The following ZNFX1 variants were observed in gnomAD, a reference collection of about 807,000 sequenced individuals.
ZNFX1 encodes NFX1-type zinc finger-containing protein 1.
Under a neutral mutation model 179.8 loss-of-function variants are expected in ZNFX1, and 78 were observed. That is an observed-to-expected ratio of 0.43 (90% CI 0.36 to 0.52). The LOEUF (loss-of-function observed/expected upper bound fraction) is 0.52, where lower values mean the gene tolerates loss of function less well. Among genes scored for constraint, ZNFX1 ranks in the 20% least tolerant of loss-of-function variants. The probability of loss-of-function intolerance (pLI) is 0.00; values close to 1 mark genes in which losing one functional copy is unlikely to be tolerated. For missense variants in ZNFX1, 1,927 were observed against 2,386.6 expected (o/e 0.81, Z 4.01); for synonymous variants, 848 against 868.5 (o/e 0.98, Z 0.42).
In ZNFX1 at chr20:49,271,522, T is replaced by C. The variant is rs1169571216; in HGVS notation, c.290A>G (p.His97Arg). The change falls in exon 3 of 14, where the codon CAT (histidine) becomes CGT (arginine). Residue 97 changes from histidine to arginine, a missense_variant. Physicochemically the swap from His to Arg is conservative, Grantham distance 29 (BLOSUM62 0). Coordinates refer to ENST00000396105, the MANE Select transcript of ZNFX1 (RefSeq NM_021035.3). The part of the protein sequence containing the change: ...HASDEARDQR[H>R]DQENDTRWRN... ...CCACCTGGTGTCATTCTCCTGGTCA[T>C]GTCTTTGGTCTCTAGCTTCGTCGCT... 10 of 1,614,066 alleles carry C rather than the reference T, an allele frequency of 6.2e-6. No homozygotes were observed. The highest frequency in any genetic ancestry group is 1.1e-5 in the South Asian group (1 of 91,088).
At chr20:49,255,136 C>T (rs186076969) in intron 9 of ZNFX1, among the ~76,000 whole-genome samples, 4 of 151,834 alleles carry the variant, frequency 2.6e-5, no homozygotes, top group African/African-American at 4.8e-5. Context: ...CCTCCACCTC[C>T]GGGTTCAAGC....
At chr20:49,254,029 CT>C (rs11324394) in intron 10 of ZNFX1, among the ~76,000 whole-genome samples, 99,097 of 145,524 alleles carry the variant, frequency 0.68, 34,371 homozygotes, top group Non-Finnish European at 0.77. Flanking sequence ...TTTCTTTTTT[CT>C]TTTTTTTTTT....
Position 49,247,221 on chromosome 20 carries a change from CCAGT to C in ZNFX1, c.*42_*45del, listed in dbSNP as rs1314154182. 1 of 1,547,934 alleles carries C rather than the reference CCAGT, an allele frequency of 6.5e-7. No homozygotes were observed. The highest frequency in any genetic ancestry group is 8.7e-7 in the Non-Finnish European group (1 of 1,148,124). Reference sequence around the variant, plus strand: ...CAGTTCCTTCATTAGGGAGCTGGCCCCAGTCATTCAGTGGCGAGGGCAAAAGGCA... The same window carrying C: ...CAGTTCCTTCATTAGGGAGCTGGCCCCATTCAGTGGCGAGGGCAAAAGGCA... On this transcript the variant is annotated 3_prime_UTR_variant, in exon 14 of 14. Transcript: ENST00000396105.
chr20:49,268,319 T>C (rs1483155142), intron 3 of ZNFX1, among the ~76,000 whole-genome samples: 1 of 152,170 alleles, frequency 6.6e-6, no homozygotes, highest in Non-Finnish European at 1.5e-5. Context: ...TAATATAAAA[T>C]TGAACCAATT....
rs903031425 is a variant in ZNFX1 at position 49,252,896 on chromosome 20, C to T, written c.3106-66G>A. ...GTCATTTAACCATCCATACTTCCAT[C>T]CATCCAACCAACCATCAAATGTTTT... On this transcript the variant is annotated intron_variant, in intron 11 of 13. Transcript: ENST00000396105. 3.7e-5 allele frequency: 45 copies of T among 1,225,032 alleles called. No homozygotes were observed. The African/African-American group carries it at 5.6e-4, about 15-fold the overall frequency. The allele number at this position is 1,225,032 out of a possible 1,614,324, so 75.9% of individuals were successfully genotyped here.
chr20:49,255,516 C>A (rs1980947900), intron 9 of ZNFX1, among the ~76,000 whole-genome samples: 1 of 151,590 alleles, frequency 6.6e-6, no homozygotes, highest in Non-Finnish European at 1.5e-5. Context: ...GTTTTTATAC[C>A]CATTTGTAAC....
At position 49,255,912 on chromosome 20, in the gene ZNFX1, T is replaced by C. The variant is rs773196486; in HGVS notation, c.2700A>G (p.Arg900=). 81 of 1,614,028 alleles carry C rather than the reference T, an allele frequency of 5.0e-5. 1 individual carries two copies. Among genetic ancestry groups the C allele is most frequent in the Non-Finnish European group, 7.6e-6 (9 of 1,180,034 alleles). ...TCAGTTTGCGAAGCTCATCCTTCAC[T>C]CTTTTTTTCATTTTCTTTTTCTGGT... ...QRNQKKKMKK[R]VKDELRKLNT... is the part of the protein sequence containing the mutation. The change falls in exon 9 of 14, where the codon AGA becomes AGG. Residue 900 remains arginine, a synonymous_variant. Coordinates refer to ENST00000396105, the MANE Select transcript of ZNFX1 (RefSeq NM_021035.3).
chr20:49,264,105 C>T (rs1040338337), intron 5 of ZNFX1, among the ~76,000 whole-genome samples: 2 of 152,120 alleles, frequency 1.3e-5, no homozygotes, highest in African/African-American at 4.8e-5. Context: ...GCCTGTAATC[C>T]CAGCTACTCA....
In ZNFX1 at chr20:49,248,731, A is replaced by G; in HGVS notation, c.4293T>C (p.Cys1431=). Residue 1431 remains cysteine (C), a synonymous_variant, in exon 14 of 14, where the codon TGT becomes TGC. Coordinates refer to ENST00000396105, the MANE Select transcript of ZNFX1 (RefSeq NM_021035.3). The surrounding 1 kb of genome is among the most constrained non-coding windows in gnomAD (Gnocchi z 4.6). ...CCAAGATAGTGCCACACTTTGTGGT[A>G]CACTTGACTAGCAGACCACCATACA... is the stretch of plus-strand genomic sequence containing the variant. ...GLLYGGLLVK[C]TTKCGTILDC... 6.2e-7 allele frequency: 1 copy of G among 1,613,148 alleles called. No homozygotes were observed. Among genetic ancestry groups the G allele is most frequent in the Non-Finnish European group, 8.5e-7 (1 of 1,180,044 alleles).
chr20:49,249,813 A>C, intron 13 of ZNFX1, 102 bp from the exon 14 acceptor site: 1 of 1,311,698 alleles, frequency 7.6e-7, no homozygotes, highest in Non-Finnish European at 1.0e-6. Context: ...CTCCAGAGAG[A>C]GACCTTGGAA....
At chr20:49,256,197 C>T (rs537022918) in intron 8 of ZNFX1, among the ~76,000 whole-genome samples, 2 of 152,156 alleles carry the variant, frequency 1.3e-5, no homozygotes, top group East Asian at 1.9e-4. Flanking sequence ...AATGACCTAA[C>T]CTCTGTGTCC....
At position 49,248,232 on chromosome 20, in the gene ZNFX1, G is replaced by A. The variant is rs1980730867; in HGVS notation, c.4792C>T (p.Gln1598Ter). The A allele has an allele frequency of 6.2e-7, 1 of 1,614,038 alleles. No individual in the cohort carries two copies. Among genetic ancestry groups the A allele is most frequent in the Admixed American group, 1.7e-5 (1 of 59,990 alleles). The change falls in exon 14 of 14, where the codon CAA becomes TAA. Residue 1598 changes from glutamine to a stop codon, truncating the protein, a stop_gained. Transcript: ENST00000396105. LOFTEE classifies it high-confidence loss of function. This position sits in a 1 kb window ranked among gnomAD's most constrained non-coding sequence, Gnocchi z 4.6. Reference sequence around the variant, plus strand: ...TCATTCATGTAGCGGTCTAGGGCTTGCACCTCAAAGATGTGGCTGCAGTCT... The same window carrying A: ...TCATTCATGTAGCGGTCTAGGGCTTACACCTCAAAGATGTGGCTGCAGTCT... The part of the protein sequence containing the change: ...LEDCSHIFEV[Q>*]ALDRYMNEQK...
rs1981162611 is a variant in ZNFX1, at chr20:49,263,417, T to G, written c.2218A>C (p.Met740Leu). The G allele has an allele frequency of 6.2e-7, 1 of 1,612,974 alleles. No individual in the cohort carries two copies. Among genetic ancestry groups the G allele is most frequent in the Non-Finnish European group, 8.5e-7 (1 of 1,179,560 alleles). Residue 740 changes from methionine to leucine, a missense_variant, in exon 6 of 14, where the codon ATG (methionine) becomes CTG (leucine). Coordinates refer to ENST00000396105, the MANE Select transcript of ZNFX1 (RefSeq NM_021035.3). ...HEGAKTLECT[M>L]RGVLREQYLQ... ...TACTGTTCCCGTAGGACACCACGCA[T>G]GGTGCACTCCAGGGTCTTGGCTCCT...
chr20:49,260,714 GGAAGA>G, intron 6 of ZNFX1, 137 bp from the exon 7 acceptor site: 1 of 586,632 alleles, frequency 1.7e-6, no homozygotes, highest in Non-Finnish European at 2.9e-6. Flanking sequence ...GGCCAAGGCA[GGAAGA>G]CTGCCTGAGC....
chr20:49,263,514 G>C lies in ZNFX1; in HGVS notation c.2152-31C>G, dbSNP rs1459686598. On this transcript the variant is annotated intron_variant, in intron 5 of 13. Transcript: ENST00000396105. The stretch of plus-strand genomic sequence containing the variant: ...AAGAACAGAGGGAAAGAAATGATGA[G>C]GAAATATCATCATCCCCCAAACTCA... 3 of 1,554,342 alleles carry C rather than the reference G, an allele frequency of 1.9e-6. No homozygotes were observed. The Middle Eastern group carries it at 5.0e-4, about 259-fold the overall frequency.
At position 49,247,502 on chromosome 20, in the gene ZNFX1, T is replaced by A. The variant is rs1396141841; in HGVS notation, c.5522A>T (p.Tyr1841Phe). 6.2e-7 allele frequency: 1 copy of A among 1,614,160 alleles called. No homozygotes were observed. Among genetic ancestry groups the A allele is most frequent in the East Asian group, 2.2e-5 (1 of 44,876 alleles). The change falls in exon 14 of 14, where the codon TAT becomes TTT. Residue 1841 changes from tyrosine to phenylalanine, a missense_variant. Transcript: ENST00000396105. ...ERVQIVSAIG[Y>F]PRGHWFKCRN... ...GCACTTGAACCAGTGACCACGAGGA[T>A]AACCTATGGCACTGACAATCTGCAC... is the stretch of plus-strand genomic sequence containing the variant.
intron 8 of ZNFX1, among the ~76,000 whole-genome samples, chr20:49,256,547 T>C (rs910455557): frequency 1.6e-4 from 24 of 152,248 alleles, no homozygotes; most frequent in African/African-American, 5.5e-4. Context: ...TGCTCTCTTC[T>C]GGCCGTCACT....
rs778301193 is a variant in ZNFX1, at chr20:49,271,580, G to A, written c.232C>T (p.His78Tyr). 3.4e-5 allele frequency: 55 copies of A among 1,614,038 alleles called. No homozygotes were observed. The highest frequency in any genetic ancestry group is 4.6e-5 in the Non-Finnish European group (54 of 1,180,036). ...CCCTCCTGGTTCCTCCTTCCTTGAT[G>A]TGGGTTCCTGCCCATGGCCCTAAAT... The part of the protein sequence containing the change: ...ERFRAMGRNP[H>Y]QGRRNQEGHA... The change falls in exon 3 of 14, where the codon CAT becomes TAT. Residue 78 changes from histidine (H) to tyrosine (Y), a missense_variant. Coordinates refer to ENST00000396105, the MANE Select transcript of ZNFX1 (RefSeq NM_021035.3).
chr20:49,262,597 T>C (rs1981141651), intron 6 of ZNFX1, among the ~76,000 whole-genome samples: 1 of 152,154 alleles, frequency 6.6e-6, no homozygotes, highest in Non-Finnish European at 1.5e-5. Context: ...CAAATCTAGA[T>C]TGCTTCACTT....
Sources: allele counts gnomAD v4.1 joint callset (sites outside exome capture counted in the v4.1 genomes callset), GRCh38; gene constraint gnomAD v4.1.1; non-coding constraint Gnocchi (gnomAD v3.1); transcripts MANE v1.5; gene names NCBI Gene and HGNC (gene_info 2026-07-23, HGNC 2026-07-21).